ATG2B: variants seen among roughly 807,000 people sequenced by gnomAD.
ATG2B encodes the protein autophagy related 2B.
In ATG2B, 121 loss-of-function variants were observed where a neutral mutation model predicts 241.3. The observed-to-expected ratio is 0.50, with a 90% CI of 0.43 to 0.58. The LOEUF is 0.58. ATG2B is among the 20% of genes least tolerant of loss of function. The pLI, the probability that ATG2B is intolerant of heterozygous loss-of-function variation, is 0.00. For missense variants in ATG2B, 2,306 were observed against 2,491.6 expected (o/e 0.93, Z 1.59); for synonymous variants, 858 against 876.6 (o/e 0.98, Z 0.37).
chr14:96,307,425 A>G (rs1364406603), intron 29 of ATG2B, among the ~76,000 whole-genome samples: 1 of 151,248 alleles, frequency 6.6e-6, no homozygotes, highest in Non-Finnish European at 1.5e-5. Context: ...ACAAACAAAC[A>G]AACAAAAAAC....
rs768879583 is a variant in ATG2B, at chr14:96,347,244, A to G, written c.260T>C (p.Leu87Pro). The G allele has an allele frequency of 4.3e-6, 7 of 1,611,954 alleles. No individual in the cohort carries two copies. The highest frequency in any genetic ancestry group is 5.9e-6 in the Non-Finnish European group (7 of 1,178,268). Residue 87 changes from leucine (L) to proline (P), a missense_variant, in exon 2 of 42, where the codon CTG becomes CCG. Leu to Pro is a moderately conservative substitution (Grantham distance 98). Around this residue, in one of 2 missense-constraint regions of ATG2B, gnomAD observed 1,927 missense variants for 2,011.2 expected, o/e 0.96. Coordinates refer to ENST00000359933, the MANE Select transcript of ATG2B (RefSeq NM_018036.7). ...ISLSVPWGSL[L>P]QDNCALEVRG... ...CACTTCCAGTGCACAATTATCCTGC[A>G]GTAAAGAGCCCCATGGAACTGACAG...
At chr14:96,288,534 C>G (rs1886398421) in intron 41 of ATG2B, among the ~76,000 whole-genome samples, 1 of 152,028 alleles carries the variant, frequency 6.6e-6, no homozygotes. Flanking sequence ...TTTTTCAAAG[C>G]TGACCATTGG....
Position 96,311,161 on chromosome 14 carries a change from T to C in ATG2B, c.4117A>G (p.Asn1373Asp). 1 of 1,613,876 alleles carries C rather than the reference T, an allele frequency of 6.2e-7. No individual in the cohort carries two copies. The highest frequency in any genetic ancestry group is 1.1e-5 in the South Asian group (1 of 91,064). ...IASYGDLQTPNKADMKPGAFQ... is the reference protein window; with the variant it reads ...IASYGDLQTPDKADMKPGAFQ... ...GCTCCAGGCTTCATATCTGCCTTGT[T>C]AGGTGTCTGCAAGTCACCATAGCTT... The change falls in exon 28 of 42, where the codon AAC (asparagine) becomes GAC (aspartate). Residue 1373 changes from asparagine (N) to aspartate (D), a missense_variant. Physicochemically the swap from Asn to Asp is conservative, Grantham distance 23 (BLOSUM62 1). Coordinates refer to ENST00000359933, the MANE Select transcript of ATG2B (RefSeq NM_018036.7).
Position 96,313,067 on chromosome 14 carries a change from G to A in ATG2B, c.3840C>T (p.Leu1280=). Residue 1280 remains leucine, a splice_region_variant and synonymous_variant, in exon 25 of 42, where the codon CTC becomes CTT. Transcript: ENST00000359933. ...SVALDKSSST[L]RIILDEAALH... is the part of the protein sequence containing the mutation. ...TACAATGAAGTTTACACAGGTACCT[G>A]AGAGTAGAGGAAGATTTATCCAATG... is the stretch of plus-strand genomic sequence containing the variant. The A allele has an allele frequency of 6.3e-7, 1 of 1,596,338 alleles. No individual in the cohort carries two copies. The highest frequency in any genetic ancestry group is 8.6e-7 in the Non-Finnish European group (1 of 1,164,090).
chr14:96,325,996 A>T, intron 14 of ATG2B, 74 bp from the exon 15 acceptor site: 1 of 1,394,682 alleles, frequency 7.2e-7, no homozygotes, highest in Non-Finnish European at 9.8e-7. Context: ...ATTCAACATT[A>T]CAATATGTAT....
Position 96,308,245 on chromosome 14 carries a change from T to C in ATG2B, c.4303+1208A>G, listed in dbSNP as rs1477654877. Among the ~76,000 whole-genome samples the C allele has an allele frequency of 4.0e-4, 11 of 27,714 alleles. 1 individual carries two copies. The highest frequency in any genetic ancestry group is 7.2e-4 in the Non-Finnish European group (11 of 15,236). The allele number at this position is 27,714 out of a possible 152,430, so 18.2% of individuals were successfully genotyped here. On this transcript the variant is annotated intron_variant, in intron 29 of 41. Transcript: ENST00000359933. Reference sequence around the variant, plus strand: ...ATATATATATACATATATATATATATATATATACACACATATATATATATA... The same window carrying C: ...ATATATATATACATATATATATATACATATATACACACATATATATATATA...
intron 34 of ATG2B, 137 bp downstream of exon 34, chr14:96,301,870 C>G (rs554822958): frequency 7.9e-6 from 5 of 635,314 alleles, no homozygotes; most frequent in Non-Finnish European, 1.4e-5. Context: ...ATGAATTTGC[C>G]CTATTCTTTA....
chr14:96,350,783 A>AACCC (rs1888295053), intron 1 of ATG2B, among the ~76,000 whole-genome samples: 3 of 152,132 alleles, frequency 2.0e-5, no homozygotes. Context: ...CATAATCCTA[A>AACCC]AGACTTTCCC....
rs1270421790 is a variant in ATG2B, at chr14:96,282,545, TCTGA to T, written c.*3206_*3209del. The T allele has an allele frequency of 2.0e-5, 3 of 152,202 alleles. No individual in the cohort carries two copies. Among genetic ancestry groups the T allele is most frequent in the African/African-American group, 7.2e-5 (3 of 41,436 alleles). 9.4% of individuals were successfully genotyped at this position (152,202 alleles called of 1,614,324 possible). On this transcript the variant is annotated 3_prime_UTR_variant, in exon 42 of 42. Transcript: ENST00000359933. ...CACACAGCTCTTTACACATTGAAAA[TCTGA>T]GTTAATGTTAAGACAATGATTAGTC... is the stretch of plus-strand genomic sequence containing the variant.
Position 96,292,044 on chromosome 14 carries a change from A to C in ATG2B, c.5481T>G (p.His1827Gln). 1 of 1,598,228 alleles carries C rather than the reference A, an allele frequency of 6.3e-7. No homozygotes were observed. Among genetic ancestry groups the C allele is most frequent in the Non-Finnish European group, 8.5e-7 (1 of 1,171,888 alleles). The change falls in exon 37 of 42, where the codon CAT becomes CAG. Residue 1827 changes from histidine to glutamine, a missense_variant. Physicochemically the swap from His to Gln is conservative, Grantham distance 24. Around this residue, in one of 2 missense-constraint regions of ATG2B, gnomAD observed 379 missense variants for 480.4 expected, o/e 0.79. Transcript: ENST00000359933. ...VPIRLDYHGK[H>Q]VSMDQGTLAG... ...GTTTCCCAACCTGATCCATTGATAC[A>C]TGTTTGCCATGATAATCAAGTCGAA...
At chr14:96,334,964 C>G (rs1304326236) in intron 6 of ATG2B, among the ~76,000 whole-genome samples, 2 of 152,162 alleles carry the variant, frequency 1.3e-5, no homozygotes, top group Non-Finnish European at 2.9e-5. Context: ...AGGACCTTCT[C>G]CTCCAACACT....
Position 96,290,579 on chromosome 14 carries a change from T to C in ATG2B, c.5713A>G (p.Lys1905Glu). The C allele has an allele frequency of 6.2e-7, 1 of 1,614,140 alleles. No homozygotes were observed. The highest frequency in any genetic ancestry group is 8.5e-7 in the Non-Finnish European group (1 of 1,180,002). ...TCTATTGGGAGCCAGACCAAGTCCT[T>C]TAGGCCTTGTACTACAACAGTCAAC... ...HSLVQLVQGL[K>E]DLVWLPIEQY... Residue 1905 changes from lysine to glutamate, a missense_variant, in exon 40 of 42, where the codon AAG becomes GAG. Physicochemically the swap from Lys to Glu is moderately conservative, Grantham distance 56. This residue lies in a region of ATG2B where 379 missense variants were observed against 480.4 expected (regional missense o/e 0.79). Transcript: ENST00000359933. This position sits in a 1 kb window ranked among gnomAD's most constrained non-coding sequence, Gnocchi z 4.4.
intron 6 of ATG2B, among the ~76,000 whole-genome samples, chr14:96,339,140 T>A (rs1439950189): frequency 2.6e-5 from 4 of 151,988 alleles, no homozygotes; most frequent in Admixed American, 1.3e-4. Context: ...GATGTTGGGA[T>A]GGACATCGTA....
chr14:96,286,404 T>C (rs930996565), intron 41 of ATG2B, among the ~76,000 whole-genome samples: 2 of 152,198 alleles, frequency 1.3e-5, no homozygotes, highest in African/African-American at 4.8e-5. Context: ...GGAAATTACT[T>C]AATTTGTTTT....
chr14:96,345,513 C>A, intron 2 of ATG2B, 128 bp from the exon 3 acceptor site: 1 of 604,282 alleles, frequency 1.7e-6, no homozygotes, highest in Non-Finnish European at 2.6e-6. Flanking sequence ...ATGATGTTAC[C>A]CAGGTAAACA....
chr14:96,305,044 G>A (rs531802161), intron 31 of ATG2B, among the ~76,000 whole-genome samples: 96 of 152,202 alleles, frequency 6.3e-4, no homozygotes, highest in African/African-American at 2.2e-3. Flanking sequence ...CTGAACTATA[G>A]TGTCAAATGT....
rs969694204 is a variant in ATG2B at position 96,289,437 on chromosome 14, T to C, written c.6006+219A>G. On this transcript the variant is annotated intron_variant, in intron 41 of 41. Transcript: ENST00000359933. This position sits in a 1 kb window ranked among gnomAD's most constrained non-coding sequence, Gnocchi z 4.3. ...TCTGCAGGTGAAGAGAGAGAATCCA[T>C]CCACCCACGCAATCACTAGTATTCC... 1.4e-4 allele frequency: 63 copies of C among 457,974 alleles called. 1 individual carries two copies. The highest frequency in any genetic ancestry group is 3.5e-5 in the Non-Finnish European group (9 of 256,574). The allele number at this position is 457,974 out of a possible 1,614,324, so 28.4% of individuals were successfully genotyped here. A position where few individuals can be genotyped will look rare whatever the true frequency, so the allele number is the denominator to read the frequency against.
chr14:96,361,799 C>A lies in ATG2B; in HGVS notation c.162+1016G>T, dbSNP rs866351463. ...CAGGGCTCTTTCCACTATCTTGTGT[C>A]CTCTCCCTAGTTTATGTCAGGTACA... On this transcript the variant is annotated intron_variant, in intron 1 of 41. Transcript: ENST00000359933. 2.0e-5 allele frequency among the ~76,000 whole-genome samples: 3 copies of A among 152,152 alleles called. No homozygotes were observed. The Middle Eastern group carries it at 0.01, about 518-fold the overall frequency.
intron 6 of ATG2B, among the ~76,000 whole-genome samples, chr14:96,341,232 T>C (rs1166683068): frequency 6.6e-6 from 1 of 152,194 alleles, no homozygotes; most frequent in Non-Finnish European, 1.5e-5. Context: ...CCATGTTTAA[T>C]ACCAAAAAGA....
Sources: allele counts gnomAD v4.1 joint callset (sites outside exome capture counted in the v4.1 genomes callset), GRCh38; gene constraint gnomAD v4.1.1; regional missense constraint gnomAD v4.1.1; non-coding constraint Gnocchi (gnomAD v3.1); transcripts MANE v1.5; gene names NCBI Gene and HGNC (gene_info 2026-07-23, HGNC 2026-07-21).